Variants in ZDHHC5 observed in about 807,000 individuals in gnomAD.
The protein encoded by ZDHHC5 is zDHHC palmitoyltransferase 5.
In ZDHHC5, 22 loss-of-function variants were observed where a neutral mutation model predicts 70.0. The observed-to-expected ratio is 0.31, with a 90% CI of 0.22 to 0.45. The LOEUF (loss-of-function observed/expected upper bound fraction) is 0.45. Among genes scored for constraint, ZDHHC5 ranks in the 20% least tolerant of loss-of-function variants. The probability of loss-of-function intolerance (pLI) is 1.00; values close to 1 mark genes in which losing one functional copy is unlikely to be tolerated. For missense variants in ZDHHC5, 746 were observed against 926.9 expected (o/e 0.80, Z 2.53); for synonymous variants, 313 against 347.8 (o/e 0.90, Z 1.11).
Position 57,698,420 on chromosome 11 carries a change from G to T in ZDHHC5, c.1123-139G>T, listed in dbSNP as rs1946385223. 7 of 1,205,520 alleles carry T rather than the reference G, an allele frequency of 5.8e-6. 1 individual carries two copies. The East Asian group carries it at 1.4e-4, about 24-fold the overall frequency. The allele number at this position is 1,205,520 out of a possible 1,614,324, so 74.7% of individuals were successfully genotyped here. On this transcript the variant is annotated intron_variant, in intron 10 of 11. Coordinates refer to ENST00000287169, the MANE Select transcript of ZDHHC5 (RefSeq NM_015457.3). ...TGCCTGAATTCAGTTTTTCTTGAGG[G>T]ATTAACCCAGATAATGCATGTAAGA...
At position 57,684,236 on chromosome 11, in the gene ZDHHC5, A is replaced by G. The variant is rs185546727; in HGVS notation, c.226+1693A>G. ...GTGATTCGCCTGCCTCAGCTTCCCA[A>G]TGTGCTGGGATTATAGGCGTGAGCC... On this transcript the variant is annotated intron_variant, in intron 3 of 11. Transcript: ENST00000287169. 7.7e-3 allele frequency among the ~76,000 whole-genome samples: 1,174 copies of G among 152,204 alleles called. 22 individuals are homozygous for G. Among genetic ancestry groups the G allele is most frequent in the African/African-American group, 0.026 (1,094 of 41,534 alleles).
chr11:57,684,067 T>A (rs201005818), intron 3 of ZDHHC5, among the ~76,000 whole-genome samples: 3 of 79,666 alleles, frequency 3.8e-5, no homozygotes, highest in Non-Finnish European at 7.4e-5. Context: ...GACCCCCCCC[T>A]GGCTCAGGTG....
chr11:57,677,401 C>T (rs1946086261), intron 2 of ZDHHC5, among the ~76,000 whole-genome samples: 1 of 151,502 alleles, frequency 6.6e-6, no homozygotes. Context: ...ATTCTCCTGC[C>T]TCAACCTCCT....
At chr11:57,679,693 A>G (rs1039451351) in intron 2 of ZDHHC5, among the ~76,000 whole-genome samples, 1 of 152,092 alleles carries the variant, frequency 6.6e-6, no homozygotes, top group Non-Finnish European at 1.5e-5. Flanking sequence ...ATCAAAGGCA[A>G]CAGATTCAGA....
At chr11:57,694,393 G>T (rs549330428) in intron 8 of ZDHHC5, among the ~76,000 whole-genome samples, 1 of 150,282 alleles carries the variant, frequency 6.7e-6, no homozygotes, top group Non-Finnish European at 1.5e-5. Context: ...AGGGAGTCTT[G>T]CTCTGTTACC....
At position 57,698,637 on chromosome 11, in the gene ZDHHC5, A is replaced by T. The variant is rs1398676059; in HGVS notation, c.1201A>T (p.Ser401Cys). Residue 401 changes from serine (S) to cysteine (C), a missense_variant, in exon 11 of 12, where the codon AGC becomes TGC. This residue lies in a region of ZDHHC5 where 179 missense variants were observed against 178.4 expected (regional missense o/e 1.00). Transcript: ENST00000287169. Reference protein sequence around the residue: ...SRHPSYRSEPSLEPESFRSPT... With the variant: ...SRHPSYRSEPCLEPESFRSPT... ...TCACCCCAGCTACCGCTCAGAGCCCAGCTTGGAACCAGAGAGCTTCCGTTC... is the reference window on the plus strand; with the variant it reads ...TCACCCCAGCTACCGCTCAGAGCCCTGCTTGGAACCAGAGAGCTTCCGTTC... 6.2e-7 allele frequency: 1 copy of T among 1,614,158 alleles called. No individual in the cohort carries two copies. Among genetic ancestry groups the T allele is most frequent in the South Asian group, 1.1e-5 (1 of 91,082 alleles).
intron 6 of ZDHHC5, among the ~76,000 whole-genome samples, chr11:57,692,298 G>A (rs1005884446): frequency 1.3e-5 from 2 of 152,154 alleles, no homozygotes; most frequent in African/African-American, 4.8e-5. Flanking sequence ...TGGGATTACA[G>A]GTGTGAGCTG....
intron 11 of ZDHHC5, 83 bp downstream of exon 11, chr11:57,699,501 C>T (rs1946411780): frequency 1.3e-6 from 2 of 1,503,894 alleles, no homozygotes; most frequent in East Asian, 2.3e-5. Context: ...TTCTGTTGTA[C>T]ATCCTAATGT....
At position 57,699,316 on chromosome 11, in the gene ZDHHC5, C is replaced by T. The variant is rs758542607; in HGVS notation, c.1880C>T (p.Thr627Ile). 6.2e-7 allele frequency: 1 copy of T among 1,614,112 alleles called. No homozygotes were observed. Among genetic ancestry groups the T allele is most frequent in the Non-Finnish European group, 8.5e-7 (1 of 1,179,994 alleles). ...RGVGSPEPGP[T>I]APYLGRSMSY... ...GTAGGGTCCCCTGAACCAGGCCCAA[C>T]AGCCCCATACCTGGGCCGATCGATG... is the stretch of plus-strand genomic sequence containing the variant. Residue 627 changes from threonine to isoleucine, a missense_variant, in exon 11 of 12, where the codon ACA (threonine) becomes ATA (isoleucine). Physicochemically the swap from Thr to Ile is moderately conservative, Grantham distance 89. Coordinates refer to ENST00000287169, the MANE Select transcript of ZDHHC5 (RefSeq NM_015457.3).
intron 1 of ZDHHC5, among the ~76,000 whole-genome samples, chr11:57,671,193 T>G (rs1946002406): frequency 6.6e-6 from 1 of 151,982 alleles, no homozygotes; most frequent in Admixed American, 6.6e-5. Context: ...TTTTAAAGAG[T>G]GGGATAAGGG....
intron 10 of ZDHHC5, 65 bp from the exon 11 acceptor site, chr11:57,698,494 G>A (rs1192963145): frequency 1.1e-5 from 16 of 1,521,700 alleles, no homozygotes; most frequent in Non-Finnish European, 1.3e-5. Context: ...CCAACTCCTT[G>A]AGCTCTGGGG....
rs1208999262 is a variant in ZDHHC5, at chr11:57,681,684, G to A, written c.105-738G>A. 2.6e-5 allele frequency: 4 copies of A among 152,306 alleles called. No homozygotes were observed. In the South Asian group the frequency reaches 8.3e-4, roughly 32 times the overall value. The allele number at this position is 152,306 out of a possible 1,614,324, so 9.4% of individuals were successfully genotyped here. A position where few individuals can be genotyped will look rare whatever the true frequency, so the allele number is the denominator to read the frequency against. ...CCTTAAAGCATATCTTGAGTTGACT[G>A]CTGTGGAATACTGGGTATGTTTGGG... On this transcript the variant is annotated intron_variant, in intron 2 of 11. Coordinates refer to ENST00000287169, the MANE Select transcript of ZDHHC5 (RefSeq NM_015457.3).
At chr11:57,673,674 G>A (rs540234) in intron 2 of ZDHHC5, among the ~76,000 whole-genome samples, 41,612 of 151,990 alleles carry the variant, frequency 0.27, 6,784 homozygotes, top group East Asian at 0.78. Flanking sequence ...AAGTTCAAGC[G>A]ATTCTCCTGC....
At chr11:57,680,890 A>AT (rs1946141403) in intron 2 of ZDHHC5, among the ~76,000 whole-genome samples, 1 of 152,218 alleles carries the variant, frequency 6.6e-6, no homozygotes, top group South Asian at 2.1e-4. Context: ...TTCTTTGAGG[A>AT]TAGTATAGAA....
chr11:57,684,028 G>A lies in ZDHHC5; in HGVS notation c.226+1485G>A, dbSNP rs1283276566. On this transcript the variant is annotated intron_variant, in intron 3 of 11. Coordinates refer to ENST00000287169, the MANE Select transcript of ZDHHC5 (RefSeq NM_015457.3). The stretch of plus-strand genomic sequence containing the variant: ...ACTCTGTTGCCCAGGCTGGAGTGCA[G>A]TGGCGCAATCACGGCTCACTGCAGC... 4.8e-5 allele frequency among the ~76,000 whole-genome samples: 7 copies of A among 145,618 alleles called. No homozygotes were observed. The East Asian group carries it at 1.3e-3, about 27-fold the overall frequency.
chr11:57,680,247 TG>T (rs1270341833), intron 2 of ZDHHC5, among the ~76,000 whole-genome samples: 2 of 152,048 alleles, frequency 1.3e-5, no homozygotes, highest in Non-Finnish European at 2.9e-5. Context: ...CGTGGTGGTG[TG>T]CATCTGTAGT....
At chr11:57,671,729 TTGTTACTACCATCTA>T (rs1337903025) in intron 1 of ZDHHC5, among the ~76,000 whole-genome samples, 1 of 152,248 alleles carries the variant, frequency 6.6e-6, no homozygotes, top group Non-Finnish European at 1.5e-5. Context: ...TTCTTGGTAT[TTGTTACTACCATCTA>T]TGTCAGGTGA....
chr11:57,685,353 T>G (rs1206240497), intron 3 of ZDHHC5, among the ~76,000 whole-genome samples: 8 of 152,072 alleles, frequency 5.3e-5, no homozygotes, highest in Non-Finnish European at 8.8e-5. Context: ...TTGGGGTTTT[T>G]AAGAAGGTCA....
chr11:57,682,003 G>A (rs1946155155), intron 2 of ZDHHC5, among the ~76,000 whole-genome samples: 1 of 152,218 alleles, frequency 6.6e-6, no homozygotes, highest in African/African-American at 2.4e-5. Flanking sequence ...GGGCCAATGT[G>A]CAGGTCAATG....
Sources: gnomAD v4.1 joint callset for allele counts (sites outside exome capture counted in the v4.1 genomes callset) on GRCh38, gnomAD v4.1.1 for gene constraint, gnomAD v4.1.1 regional missense constraint, MANE v1.5 for transcripts, NCBI Gene and HGNC (gene_info 2026-07-23, HGNC 2026-07-21) for gene names.